The following NCAM2 variants were observed in gnomAD, a reference collection of about 807,000 sequenced individuals.
The protein encoded by NCAM2 is N-CAM-2.
NCAM2 carries 30 observed loss-of-function variants against 98.1 expected under a neutral mutation model. That is an observed-to-expected ratio of 0.31 (90% confidence interval 0.23 to 0.41). The LOEUF (loss-of-function observed/expected upper bound fraction) is 0.41, where lower values mean the gene tolerates loss of function less well. Among genes scored for constraint, NCAM2 ranks in the 10% least tolerant of loss-of-function variants. The pLI is 1.00. For synonymous variants in NCAM2, 368 were observed against 342.4 expected (o/e 1.07, Z -0.83); for missense variants, 867 against 1,005.8 (o/e 0.86, Z 1.87).
At position 21,187,520 on chromosome 21, in the gene NCAM2, A is replaced by G. The variant is rs143695212; in HGVS notation, c.56-93058A>G. On this transcript the variant is annotated intron_variant, in intron 1 of 17. Coordinates refer to ENST00000400546, the MANE Select transcript of NCAM2 (RefSeq NM_004540.5). ...TTTATCAGACTTCATCCTATTCCCA[A>G]TAATGTGTAGGCTCTGGGTCATGGA... Among the ~76,000 whole-genome samples, 390 of 152,284 alleles carry G rather than the reference A, an allele frequency of 2.6e-3. 3 individuals are homozygous for G. The highest frequency in any genetic ancestry group is 3.4e-3 in the Middle Eastern group (1 of 294).
intron 6 of NCAM2, among the ~76,000 whole-genome samples, chr21:21,334,929 A>C (rs1381288713): frequency 6.6e-6 from 1 of 152,128 alleles, no homozygotes; most frequent in Non-Finnish European, 1.5e-5. Flanking sequence ...TTCCTCATTA[A>C]AGAATAAAAT....
chr21:21,272,998 C>T (rs1209953403), intron 1 of NCAM2, among the ~76,000 whole-genome samples: 1 of 150,716 alleles, frequency 6.6e-6, no homozygotes, highest in African/African-American at 2.5e-5. Context: ...CACACACACA[C>T]ACACACACAC....
chr21:21,211,847 C>T (rs545815979), intron 1 of NCAM2, among the ~76,000 whole-genome samples: 5 of 152,210 alleles, frequency 3.3e-5, no homozygotes, highest in Admixed American at 2.0e-4. Flanking sequence ...CTTGACTATA[C>T]GCTCCTGAGG....
chr21:21,286,100 G>C (rs751587968), intron 3 of NCAM2, among the ~76,000 whole-genome samples, 169 bp from the exon 4 acceptor site: 2 of 151,940 alleles, frequency 1.3e-5, no homozygotes, highest in Non-Finnish European at 1.5e-5. Context: ...AGTGAGATAG[G>C]AAGGTATTAG....
At chr21:21,125,461 G>GT in intron 1 of NCAM2, among the ~76,000 whole-genome samples, 1 of 3,438 alleles carries the variant, frequency 2.9e-4, no homozygotes, top group East Asian at 8.9e-3. Context: ...CATATATAGA[G>GT]ACAGATATAT....
intron 1 of NCAM2, among the ~76,000 whole-genome samples, chr21:21,130,119 C>A (rs1171330327): frequency 6.6e-6 from 1 of 151,946 alleles, no homozygotes; most frequent in Non-Finnish European, 1.5e-5. Context: ...ATGTATAAAA[C>A]AAAGGCTAAC....
intron 9 of NCAM2, among the ~76,000 whole-genome samples, chr21:21,386,575 C>A (rs547065179): frequency 6.6e-6 from 1 of 152,218 alleles, no homozygotes; most frequent in African/African-American, 2.4e-5. Context: ...GGTGAAGAGT[C>A]TTTTATTGTT....
intron 11 of NCAM2, among the ~76,000 whole-genome samples, chr21:21,427,908 C>T (rs965287996): frequency 1.3e-5 from 2 of 152,124 alleles, no homozygotes; most frequent in Non-Finnish European, 2.9e-5. Flanking sequence ...AGAGTTTTAA[C>T]GTATTCTAGG....
At chr21:21,036,885 G>A (rs1421282658) in intron 1 of NCAM2, among the ~76,000 whole-genome samples, 2 of 152,152 alleles carry the variant, frequency 1.3e-5, no homozygotes, top group Non-Finnish European at 2.9e-5. Context: ...CCAAGAGAGG[G>A]CCCAAGAGAT....
chr21:21,238,959 C>T (rs1276771624), intron 1 of NCAM2, among the ~76,000 whole-genome samples: 1 of 152,070 alleles, frequency 6.6e-6, no homozygotes, highest in Non-Finnish European at 1.5e-5. Context: ...CATTTGTAAC[C>T]TCTAGATACA....
intron 9 of NCAM2, among the ~76,000 whole-genome samples, chr21:21,390,837 T>C (rs1244631192): frequency 5.3e-5 from 8 of 152,196 alleles, no homozygotes; most frequent in African/African-American, 1.9e-4. Context: ...ATGCTAAATG[T>C]ATGGTCAAAA....
At chr21:21,353,546 G>A (rs2826808) in intron 8 of NCAM2, among the ~76,000 whole-genome samples, 25,915 of 151,926 alleles carry the variant, frequency 0.17, 2,610 homozygotes, top group East Asian at 0.26. Flanking sequence ...CACGTCCTAT[G>A]CTAGATGAAG....
At chr21:21,231,305 G>A (rs1192621995) in intron 1 of NCAM2, among the ~76,000 whole-genome samples, 1 of 151,148 alleles carries the variant, frequency 6.6e-6, no homozygotes, top group Non-Finnish European at 1.5e-5. Flanking sequence ...GGATTTATAT[G>A]GCAGTTATCC....
chr21:21,122,972 T>A (rs1749896847), intron 1 of NCAM2, among the ~76,000 whole-genome samples: 1 of 152,224 alleles, frequency 6.6e-6, no homozygotes, highest in South Asian at 2.1e-4. Context: ...CTCAGCTGAC[T>A]TCTTCCTTAT....
intron 1 of NCAM2, among the ~76,000 whole-genome samples, chr21:21,083,623 C>T (rs151210814): frequency 2.9e-4 from 44 of 152,162 alleles, no homozygotes; most frequent in African/African-American, 9.6e-4. Context: ...CTATGTTGCC[C>T]AGGCTGGTCT....
At chr21:21,387,176 G>T (rs539508307) in intron 9 of NCAM2, among the ~76,000 whole-genome samples, 2 of 125,444 alleles carry the variant, frequency 1.6e-5, no homozygotes, top group African/African-American at 6.0e-5. Flanking sequence ...TACTTGGTGC[G>T]CACACACACA....
At chr21:21,161,165 A>G (rs1008326115) in intron 1 of NCAM2, among the ~76,000 whole-genome samples, 2 of 152,054 alleles carry the variant, frequency 1.3e-5, no homozygotes, top group Non-Finnish European at 2.9e-5. Context: ...TTTATAACAC[A>G]TGAATATTAT....
At chr21:21,346,908 C>T (rs1057081918) in intron 8 of NCAM2, among the ~76,000 whole-genome samples, 5 of 151,346 alleles carry the variant, frequency 3.3e-5, no homozygotes, top group Admixed American at 2.6e-4. Context: ...GCTATAGGAG[C>T]CTCCATCAAA....
Position 21,543,278 on chromosome 21 carries a change from CTT to C in NCAM2, c.*5322_*5323del, listed in dbSNP as rs1303472693. 4.6e-5 allele frequency: 7 copies of C among 151,840 alleles called. No homozygotes were observed. Among genetic ancestry groups the C allele is most frequent in the African/African-American group, 1.7e-4 (7 of 41,416 alleles). The allele number at this position is 151,840 out of a possible 1,614,324, so 9.4% of individuals were successfully genotyped here. A position where few individuals can be genotyped will look rare whatever the true frequency, so the allele number is the denominator to read the frequency against. Reference sequence around the variant, plus strand: ...AAAGTATGGCTTACAGTATATCAAACTTGTCACACTTCACCATTTGTATATTA... The same window carrying C: ...AAAGTATGGCTTACAGTATATCAAACGTCACACTTCACCATTTGTATATTA... On this transcript the variant is annotated 3_prime_UTR_variant, in exon 18 of 18. Transcript: ENST00000400546.
Sources: allele counts gnomAD v4.1 joint callset (sites outside exome capture counted in the v4.1 genomes callset), GRCh38; gene constraint gnomAD v4.1.1; transcripts MANE v1.5; gene names NCBI Gene and HGNC (gene_info 2026-07-23, HGNC 2026-07-21).